Variants in NCALD observed in about 807,000 individuals in gnomAD.
NCALD encodes the protein neurocalcin-delta.
A neutral mutation model predicts 18.6 loss-of-function variants in NCALD; 10 were observed. That is an observed-to-expected ratio of 0.54 (90% confidence interval 0.33 to 0.91). The LOEUF is 0.91. Ranked by LOEUF, NCALD falls within the 40% of genes least tolerant of loss-of-function variation. NCALD has a pLI of 0.03. For synonymous variants in NCALD, 88 were observed against 87.4 expected (o/e 1.01, Z -0.04); for missense variants, 184 against 247.6 (o/e 0.74, Z 1.72).
At chr8:102,046,844 G>T (rs1646014698) in intron 1 of NCALD, among the ~76,000 whole-genome samples, 1 of 146,420 alleles carries the variant, frequency 6.8e-6, no homozygotes, top group Non-Finnish European at 1.5e-5. Context: ...GGCTACATAT[G>T]AAGGTTTGTT....
At chr8:101,881,118 A>G (rs577512459) in intron 4 of NCALD, among the ~76,000 whole-genome samples, 2 of 152,226 alleles carry the variant, frequency 1.3e-5, no homozygotes, top group African/African-American at 4.8e-5. Flanking sequence ...GTAAAAAGGA[A>G]TTTCACTTTC....
Position 101,995,527 on chromosome 8 carries a change from C to T in NCALD, c.-157+24710G>A, listed in dbSNP as rs147043912. On this transcript the variant is annotated intron_variant, in intron 2 of 6. Coordinates refer to the NCALD transcript ENST00000311028. ...GTGGAAGGCAAAGGGGTAGCAGGCA[C>T]ATCACATGGCGAAAACAGGAGCAAG... Among the ~76,000 whole-genome samples the T allele has an allele frequency of 5.1e-3, 780 of 152,196 alleles. 9 individuals carry two copies. Among genetic ancestry groups the T allele is most frequent in the African/African-American group, 0.018 (758 of 41,520 alleles).
chr8:101,975,841 T>C (rs1314601447), intron 2 of NCALD, among the ~76,000 whole-genome samples: 1 of 152,196 alleles, frequency 6.6e-6, no homozygotes, highest in Non-Finnish European at 1.5e-5. Context: ...TTACCTTATA[T>C]CTTCTCTTTG....
intron 1 of NCALD, among the ~76,000 whole-genome samples, chr8:101,730,466 C>A (rs141196788): frequency 1.8e-5 from 2 of 112,302 alleles, no homozygotes; most frequent in African/African-American, 3.7e-5. Context: ...GGCAACAGAG[C>A]GAGACTCCAT....
intron 1 of NCALD, among the ~76,000 whole-genome samples, chr8:102,054,722 C>T (rs200257408): frequency 1.1e-5 from 1 of 88,588 alleles, no homozygotes; most frequent in African/African-American, 3.6e-5. Context: ...AGATAGATAT[C>T]CTATAGATAG....
chr8:102,094,102 A>T (rs530941443), intron 1 of NCALD, among the ~76,000 whole-genome samples: 12 of 152,310 alleles, frequency 7.9e-5, no homozygotes, highest in Non-Finnish European at 1.6e-4. Context: ...GTATATCCAA[A>T]ATTATCAATC....
intron 4 of NCALD, among the ~76,000 whole-genome samples, chr8:101,863,698 C>A (rs900368535): frequency 6.6e-6 from 1 of 152,124 alleles, no homozygotes; most frequent in Non-Finnish European, 1.5e-5. Flanking sequence ...TTGAAAAACA[C>A]AAAAGCACTT....
At chr8:101,807,784 C>G (rs745393420) in intron 4 of NCALD, among the ~76,000 whole-genome samples, 29 of 152,150 alleles carry the variant, frequency 1.9e-4, no homozygotes, top group Non-Finnish European at 3.8e-4. Context: ...ATTTACATAG[C>G]ACTTTCACAA....
rs867662037 is a variant in NCALD at position 101,859,574 on chromosome 8, C to T, written c.-20+27567G>A. ...AGGAGGCTAGATAAAGACCCCTTAG[C>T]AAATTAACAAAGAGATTCTAGAAGC... On this transcript the variant is annotated intron_variant, in intron 4 of 6. Coordinates refer to the NCALD transcript ENST00000311028. 2.0e-5 allele frequency among the ~76,000 whole-genome samples: 3 copies of T among 152,132 alleles called. No individual in the cohort carries two copies. The Middle Eastern group carries it at 0.01, about 517-fold the overall frequency.
intron 2 of NCALD, among the ~76,000 whole-genome samples, chr8:101,992,629 T>C (rs1340071272): frequency 1.3e-5 from 2 of 152,078 alleles, no homozygotes; most frequent in Non-Finnish European, 2.9e-5. Flanking sequence ...GGAATAATAA[T>C]GGGTTGTTGT....
chr8:101,996,256 C>T (rs558241771), intron 2 of NCALD, among the ~76,000 whole-genome samples: 21 of 152,344 alleles, frequency 1.4e-4, no homozygotes, highest in South Asian at 4.1e-4. Context: ...GAGAGGACTA[C>T]GTATATAAGT....
intron 1 of NCALD, among the ~76,000 whole-genome samples, chr8:102,041,935 T>A (rs1823063853): frequency 6.6e-6 from 1 of 152,016 alleles, no homozygotes; most frequent in South Asian, 2.1e-4. Flanking sequence ...GAGTGGGTTT[T>A]AAACCATTTG....
upstream of NCALD, among the ~76,000 whole-genome samples, chr8:101,794,780 C>A (rs1032717043): frequency 6.6e-6 from 1 of 152,110 alleles, no homozygotes; most frequent in Non-Finnish European, 1.5e-5. Flanking sequence ...ATAGCAGAGC[C>A]AGGATTTATA....
chr8:101,880,648 T>C (rs952940737), intron 4 of NCALD, among the ~76,000 whole-genome samples: 2 of 152,186 alleles, frequency 1.3e-5, no homozygotes, highest in Non-Finnish European at 2.9e-5. Flanking sequence ...CTCCCCCAGA[T>C]AGTGTGAAAA....
intron 4 of NCALD, among the ~76,000 whole-genome samples, chr8:101,886,823 G>A (rs1362306910): frequency 6.6e-6 from 1 of 152,094 alleles, no homozygotes; most frequent in African/African-American, 2.4e-5. Flanking sequence ...CAACAAGCCA[G>A]GTTTTTACTC....
chr8:101,899,262 T>C lies in NCALD; in HGVS notation c.-106-12035A>G, dbSNP rs143420033. The stretch of plus-strand genomic sequence containing the variant: ...ACATCCTGCAACCTAACTAAACTCA[T>C]TTATTAGTTCTAAGAGGTTTTTTCT... On this transcript the variant is annotated intron_variant, in intron 3 of 6. Coordinates refer to the NCALD transcript ENST00000311028. Among the ~76,000 whole-genome samples the C allele has an allele frequency of 9.4e-3, 1,436 of 152,120 alleles. 9 individuals carry two copies. Among genetic ancestry groups the C allele is most frequent in the Non-Finnish European group, 0.014 (957 of 67,850 alleles).
chr8:102,053,742 T>C (rs78656938), intron 1 of NCALD, among the ~76,000 whole-genome samples: 10,995 of 152,290 alleles, frequency 0.072, 527 homozygotes, highest in East Asian at 0.12. Flanking sequence ...TTATGTATTT[T>C]TACTTTACTT....
intron 4 of NCALD, among the ~76,000 whole-genome samples, chr8:101,831,243 G>A (rs1814173658): frequency 6.6e-6 from 1 of 152,196 alleles, no homozygotes; most frequent in African/African-American, 2.4e-5. Flanking sequence ...ACCCTGGGCT[G>A]TCTGGGCTAA....
At chr8:101,982,617 G>C (rs1820662697) in intron 2 of NCALD, among the ~76,000 whole-genome samples, 1 of 152,094 alleles carries the variant, frequency 6.6e-6, no homozygotes, top group Non-Finnish European at 1.5e-5. Context: ...GAGGCTGGTG[G>C]ATCAGGAGGT....
Sources: gnomAD v4.1 joint callset for allele counts (sites outside exome capture counted in the v4.1 genomes callset) on GRCh38, gnomAD v4.1.1 for gene constraint, MANE v1.5 for transcripts, NCBI Gene and HGNC (gene_info 2026-07-23, HGNC 2026-07-21) for gene names.